The following AGAP1 variants were observed in gnomAD, a reference collection of about 807,000 sequenced individuals.
AGAP1 encodes the protein arf-GAP with GTPase, ANK repeat and PH domain-containing protein 1.
Under a neutral mutation model 105.3 loss-of-function variants are expected in AGAP1, and 29 were observed. The observed-to-expected ratio is 0.28, with a 90% CI of 0.21 to 0.38. AGAP1 has a LOEUF of 0.38. AGAP1 is among the 10% of genes least tolerant of loss of function. AGAP1 has a pLI of 1.00. For synonymous variants in AGAP1, 509 were observed against 485.9 expected, an observed-to-expected ratio of 1.05 and a Z score of -0.63; for missense variants, 998 against 1,165.1, an observed-to-expected ratio of 0.86 and a Z score of 2.09.
In AGAP1 at chr2:235,970,779, T is replaced by A. The variant is rs1462204171; in HGVS notation, c.1645+2156T>A. Among the ~76,000 whole-genome samples, 3 of 151,884 alleles carry A rather than the reference T, an allele frequency of 2.0e-5. No homozygotes were observed. In the East Asian group the frequency reaches 5.8e-4, roughly 29 times the overall value. On this transcript the variant is annotated intron_variant, in intron 13 of 17. Coordinates refer to ENST00000304032, the MANE Select transcript of AGAP1 (RefSeq NM_001037131.3). This position sits in a 1 kb window ranked among gnomAD's most constrained non-coding sequence, Gnocchi z 5.4. ...CAGTGTTCCATTCAGCACCGGTGAG[T>A]TTGAAGGAAGTTTGACAAGTGACCG... is the stretch of plus-strand genomic sequence containing the variant.
chr2:235,773,186 G>T (rs929311915), intron 6 of AGAP1, among the ~76,000 whole-genome samples: 2 of 152,200 alleles, frequency 1.3e-5, no homozygotes, highest in Middle Eastern at 6.3e-3. Flanking sequence ...ATTTTCTGGG[G>T]TTTAAATATC....
intron 6 of AGAP1, among the ~76,000 whole-genome samples, chr2:235,767,777 CTTTTTT>C (rs71414307): frequency 8.1e-5 from 5 of 62,046 alleles, no homozygotes; most frequent in African/African-American, 2.5e-4. Context: ...AGTTTCTTGT[CTTTTTT>C]TTTTTTTTTT....
At chr2:235,693,696 C>G (rs143951907) in intron 1 of AGAP1, among the ~76,000 whole-genome samples, 433 of 152,246 alleles carry the variant, frequency 2.8e-3, no homozygotes, top group African/African-American at 0.01. Context: ...TCCAAAAAAC[C>G]CCACAAAACA....
chr2:235,774,558 C>G (rs1955713798), intron 6 of AGAP1: 2 of 313,640 alleles, frequency 6.4e-6, no homozygotes, highest in Non-Finnish European at 1.3e-5. Context: ...GGACTGAAAA[C>G]TGTCGCATTT....
intron 6 of AGAP1, among the ~76,000 whole-genome samples, chr2:235,795,855 C>T (rs1370031168): frequency 3.3e-5 from 5 of 152,172 alleles, no homozygotes; most frequent in Non-Finnish European, 7.4e-5. Flanking sequence ...GAAATATTCT[C>T]TTTACTCATG....
rs1047484377 is a variant in AGAP1, at chr2:235,866,120, T to C, written c.1051-17225T>C. 1.3e-5 allele frequency among the ~76,000 whole-genome samples: 2 copies of C among 152,226 alleles called. No individual in the cohort carries two copies. The highest frequency in any genetic ancestry group is 2.9e-5 in the Non-Finnish European group (2 of 68,036). ...CATCCAGATTTACTTGATGCTGTTTTAGTTAGGCAGCAGCATGCGATGCCC... is the reference window on the plus strand; with the variant it reads ...CATCCAGATTTACTTGATGCTGTTTCAGTTAGGCAGCAGCATGCGATGCCC... On this transcript the variant is annotated intron_variant, in intron 9 of 17. Coordinates refer to ENST00000304032, the MANE Select transcript of AGAP1 (RefSeq NM_001037131.3). This position sits in a 1 kb window ranked among gnomAD's most constrained non-coding sequence, Gnocchi z 6.1.
At chr2:235,727,638 T>C in intron 3 of AGAP1, among the ~76,000 whole-genome samples, 1 of 152,172 alleles carries the variant, frequency 6.6e-6, no homozygotes, top group Non-Finnish European at 1.5e-5. Context: ...AAAATAATGT[T>C]TTTACATCCT....
chr2:235,791,640 T>C (rs1956983406), intron 6 of AGAP1, among the ~76,000 whole-genome samples: 1 of 152,104 alleles, frequency 6.6e-6, no homozygotes, highest in African/African-American at 2.4e-5. Context: ...CTCTGCCTCC[T>C]GGGTTCAAGC....
rs1339847975 is a variant in AGAP1 at position 236,000,386 on chromosome 2, A to G, written c.1645+31763A>G. Among the ~76,000 whole-genome samples, 7 of 152,198 alleles carry G rather than the reference A, an allele frequency of 4.6e-5. 1 individual carries two copies. In the South Asian group the frequency reaches 6.2e-4, roughly 13 times the overall value. ...GTCACACATTTCCAAGAACCTGTCA[A>G]TGGCATTGAGGACTTTCTGTACAAA... On this transcript the variant is annotated intron_variant, in intron 13 of 17. Coordinates refer to ENST00000304032, the MANE Select transcript of AGAP1 (RefSeq NM_001037131.3). The surrounding 1 kb of genome is among the most constrained non-coding windows in gnomAD (Gnocchi z 4.3).
chr2:235,810,150 C>T (rs1958055917), intron 9 of AGAP1, among the ~76,000 whole-genome samples: 2 of 152,186 alleles, frequency 1.3e-5, no homozygotes, highest in Non-Finnish European at 2.9e-5. Context: ...ACAAAAATAT[C>T]TTACGACTGT....
chr2:235,943,361 A>ACTTTTT, intron 12 of AGAP1, among the ~76,000 whole-genome samples: 1 of 71,858 alleles, frequency 1.4e-5, no homozygotes, highest in African/African-American at 1.0e-4. Flanking sequence ...TAAAGGACTT[A>ACTTTTT]ATTTTTTTTT....
chr2:235,819,904 C>CTTTTTTTTTTTT (rs1179307250), intron 9 of AGAP1, among the ~76,000 whole-genome samples: 1 of 130,272 alleles, frequency 7.7e-6, no homozygotes, highest in East Asian at 2.2e-4. Context: ...TTCTTTCTTT[C>CTTTTTTTTTTTT]TTTTTTTTTT....
At chr2:235,914,339 T>C (rs1326531359) in intron 11 of AGAP1, among the ~76,000 whole-genome samples, 1 of 152,172 alleles carries the variant, frequency 6.6e-6, no homozygotes, top group Non-Finnish European at 1.5e-5. Context: ...CCTTGATTAA[T>C]GCTCTGGATA....
In AGAP1 at chr2:235,725,897, G is replaced by A. The variant is rs147168999; in HGVS notation, c.310+8253G>A. Among the ~76,000 whole-genome samples, 341 of 152,122 alleles carry A rather than the reference G, an allele frequency of 2.2e-3. No homozygotes were observed. Among genetic ancestry groups the A allele is most frequent in the African/African-American group, 7.9e-3 (326 of 41,494 alleles). On this transcript the variant is annotated intron_variant, in intron 3 of 17. Coordinates refer to ENST00000304032, the MANE Select transcript of AGAP1 (RefSeq NM_001037131.3). The surrounding 1 kb of genome is among the most constrained non-coding windows in gnomAD (Gnocchi z 5.7). ...GTAAAGGATGCTAACATTATTATTA[G>A]ATGTTCAAAAAAATAATAAAAGGGA...
chr2:236,035,885 C>G lies in AGAP1; in HGVS notation c.1646-676C>G, dbSNP rs1303084829. ...AGAAAAAATGAACCTCAGGGGAGTCCAGGAACTTGCCCAAAGACTTAGATG... is the reference window on the plus strand; with the variant it reads ...AGAAAAAATGAACCTCAGGGGAGTCGAGGAACTTGCCCAAAGACTTAGATG... On this transcript the variant is annotated intron_variant, in intron 13 of 17. Transcript: ENST00000304032. This position sits in a 1 kb window ranked among gnomAD's most constrained non-coding sequence, Gnocchi z 4.2. 6.6e-6 allele frequency among the ~76,000 whole-genome samples: 1 copy of G among 152,052 alleles called. No homozygotes were observed. The highest frequency in any genetic ancestry group is 1.5e-5 in the Non-Finnish European group (1 of 68,006).
At chr2:236,086,171 A>G (rs973891991) in intron 16 of AGAP1, among the ~76,000 whole-genome samples, 1 of 152,218 alleles carries the variant, frequency 6.6e-6, no homozygotes, top group Non-Finnish European at 1.5e-5. Context: ...TCATCTGTAA[A>G]GTATTCGGTG....
At chr2:236,075,450 C>T (rs1304213530) in intron 16 of AGAP1, among the ~76,000 whole-genome samples, 1 of 152,136 alleles carries the variant, frequency 6.6e-6, no homozygotes, top group African/African-American at 2.4e-5. Context: ...CGCAAAGGGT[C>T]CCCGCTGCTG....
chr2:235,717,199 T>A (rs1354328081), intron 2 of AGAP1, among the ~76,000 whole-genome samples: 1 of 152,224 alleles, frequency 6.6e-6, no homozygotes, highest in Non-Finnish European at 1.5e-5. Flanking sequence ...CCACCTCACC[T>A]GCTGCTTTTC....
At chr2:235,811,907 A>G (rs1025484185) in intron 9 of AGAP1, among the ~76,000 whole-genome samples, 33 of 152,344 alleles carry the variant, frequency 2.2e-4, no homozygotes, top group African/African-American at 6.7e-4. Flanking sequence ...TGAGAGAACC[A>G]GGTCTCTGCT....
Sources: gnomAD v4.1 joint callset for allele counts (sites outside exome capture counted in the v4.1 genomes callset) on GRCh38, gnomAD v4.1.1 for gene constraint, Gnocchi (gnomAD v3.1) non-coding constraint, MANE v1.5 for transcripts, NCBI Gene and HGNC (gene_info 2026-07-23, HGNC 2026-07-21) for gene names.